ARFIP1: variants seen among roughly 807,000 people sequenced by gnomAD.
ARFIP1 encodes arfaptin-1.
Under a neutral mutation model 42.5 loss-of-function variants are expected in ARFIP1, and 24 were observed. That is an observed-to-expected ratio of 0.57 (90% CI 0.41 to 0.80). The LOEUF (loss-of-function observed/expected upper bound fraction) is 0.80. ARFIP1 is among the 30% of genes least tolerant of loss of function. ARFIP1 has a pLI of 0.00. For missense variants in ARFIP1, 354 were observed against 434.0 expected (o/e 0.82, Z 1.64); for synonymous variants, 141 against 153.7 (o/e 0.92, Z 0.61).
chr4:152,904,676 C>T (rs1055675330), intron 8 of ARFIP1, among the ~76,000 whole-genome samples: 1 of 152,022 alleles, frequency 6.6e-6, no homozygotes, highest in Admixed American at 6.6e-5. Context: ...TGTTAGTTTG[C>T]TGAGGATGAT....
rs921352653 is a variant in ARFIP1, at chr4:152,796,219, A to G, written c.-10+15993A>G. On this transcript the variant is annotated intron_variant, in intron 1 of 8. Coordinates refer to ENST00000353617, the MANE Select transcript of ARFIP1 (RefSeq NM_001025595.3). ...CTTTAGTAATAACACCCAAAGTTGT[A>G]TACAGCGGGAATGACGGATTCTTCT... The G allele has an allele frequency of 9.7e-5, 81 of 838,794 alleles. No homozygotes were observed. In the Admixed American group the frequency reaches 1.4e-3, roughly 14 times the overall value. The allele number at this position is 838,794 out of a possible 1,614,324, so 52.0% of individuals were successfully genotyped here.
chr4:152,894,192 A>G (rs1295345527), intron 8 of ARFIP1, among the ~76,000 whole-genome samples: 1 of 149,818 alleles, frequency 6.7e-6, no homozygotes, highest in African/African-American at 2.5e-5. Context: ...TAGATGACAG[A>G]GCGAGACTCT....
At chr4:152,899,439 G>C (rs1199967670) in intron 8 of ARFIP1, among the ~76,000 whole-genome samples, 1 of 152,108 alleles carries the variant, frequency 6.6e-6, no homozygotes, top group East Asian at 1.9e-4. Context: ...TTCTCTGTTA[G>C]GTTAATAACG....
chr4:152,892,088 A>T (rs1409516217), intron 8 of ARFIP1, among the ~76,000 whole-genome samples: 1 of 151,958 alleles, frequency 6.6e-6, no homozygotes, highest in African/African-American at 2.4e-5. Flanking sequence ...GCTTTTTTTT[A>T]AAGATACTGG....
intron 2 of ARFIP1, among the ~76,000 whole-genome samples, chr4:152,848,060 A>G (rs1287283205): frequency 2.0e-5 from 3 of 152,166 alleles, no homozygotes; most frequent in African/African-American, 7.2e-5. Context: ...TGTAAGTTTT[A>G]AGTGATATCA....
At chr4:152,857,546 A>G (rs1733543460) in intron 2 of ARFIP1, among the ~76,000 whole-genome samples, 1 of 152,190 alleles carries the variant, frequency 6.6e-6, no homozygotes, top group African/African-American at 2.4e-5. Flanking sequence ...GTCAAGATTA[A>G]ATGAGGTAAT....
intron 1 of ARFIP1, among the ~76,000 whole-genome samples, chr4:152,803,348 G>A (rs1013934127): frequency 6.6e-6 from 1 of 152,158 alleles, no homozygotes; most frequent in African/African-American, 2.4e-5. Flanking sequence ...GCAATTTATA[G>A]CATCAGGCAA....
chr4:152,802,511 C>A (rs755849506), intron 1 of ARFIP1, among the ~76,000 whole-genome samples: 3 of 152,074 alleles, frequency 2.0e-5, no homozygotes, highest in Non-Finnish European at 4.4e-5. Context: ...ATTGCATTTT[C>A]AAATAACTTT....
At chr4:152,872,374 T>G in intron 4 of ARFIP1, 78 bp from the exon 5 acceptor site, 1 of 925,572 alleles carries the variant, frequency 1.1e-6, no homozygotes, top group Non-Finnish European at 1.6e-6. Context: ...AATTTCAATT[T>G]GAACAATATC....
chr4:152,806,896 TG>T (rs1729034821), intron 1 of ARFIP1, among the ~76,000 whole-genome samples: 1 of 151,850 alleles, frequency 6.6e-6, no homozygotes, highest in South Asian at 2.1e-4. Context: ...TGGAATGCAG[TG>T]GCAGAATCAT....
At chr4:152,899,935 C>G (rs919275572) in intron 8 of ARFIP1, among the ~76,000 whole-genome samples, 1 of 152,130 alleles carries the variant, frequency 6.6e-6, no homozygotes, top group Non-Finnish European at 1.5e-5. Context: ...AGTCTCACAG[C>G]CAGACTGGGA....
chr4:152,824,006 A>G (rs1730607935), intron 1 of ARFIP1, among the ~76,000 whole-genome samples: 1 of 151,918 alleles, frequency 6.6e-6, no homozygotes, highest in East Asian at 1.9e-4. Flanking sequence ...ATCCAATAGC[A>G]CATCAAAAAA....
intron 8 of ARFIP1, 66 bp from the exon 9 acceptor site, chr4:152,909,998 A>G: frequency 6.5e-7 from 1 of 1,541,422 alleles, no homozygotes; most frequent in South Asian, 1.2e-5. Context: ...GGAATGTAAT[A>G]AATCACTCTC....
chr4:152,836,319 A>G (rs1202774204), intron 2 of ARFIP1, among the ~76,000 whole-genome samples: 1 of 152,246 alleles, frequency 6.6e-6, no homozygotes, highest in Admixed American at 6.5e-5. Context: ...CTGTGAAGTA[A>G]TGGATATGCT....
At position 152,881,406 on chromosome 4, in the gene ARFIP1, A is replaced by G. The variant is rs138186852; in HGVS notation, c.633+222A>G. Among the ~76,000 whole-genome samples, 392 of 151,936 alleles carry G rather than the reference A, an allele frequency of 2.6e-3. 1 individual carries two copies. The highest frequency in any genetic ancestry group is 9.1e-3 in the African/African-American group (375 of 41,434). ...TATCATATGTATATAAATCTTTCAT[A>G]TTTTTCTTCCTGTTTGTTAATATTT... On this transcript the variant is annotated intron_variant, in intron 6 of 8. Transcript: ENST00000353617.
chr4:152,867,322 C>T (rs568859300), intron 3 of ARFIP1, among the ~76,000 whole-genome samples: 49 of 151,720 alleles, frequency 3.2e-4, no homozygotes, highest in Non-Finnish European at 5.3e-4. Flanking sequence ...AGCGAAACCC[C>T]GTCTCCACCA....
chr4:152,817,704 A>G (rs1278631198), intron 1 of ARFIP1, among the ~76,000 whole-genome samples: 1 of 152,228 alleles, frequency 6.6e-6, no homozygotes, highest in Admixed American at 6.5e-5. Flanking sequence ...TATGCATTTG[A>G]TAAGAAGTAA....
At chr4:152,808,060 A>C (rs1436758059) in intron 1 of ARFIP1, among the ~76,000 whole-genome samples, 1 of 152,076 alleles carries the variant, frequency 6.6e-6, no homozygotes, top group African/African-American at 2.4e-5. Flanking sequence ...GGCTCACTGC[A>C]GCCTCCGCCT....
At chr4:152,909,150 T>C (rs111271498) in intron 8 of ARFIP1, among the ~76,000 whole-genome samples, 10 of 152,224 alleles carry the variant, frequency 6.6e-5, no homozygotes, top group African/African-American at 2.2e-4. Flanking sequence ...TTTGGGAGGC[T>C]GAGGCAGGCA....
Sources: allele counts gnomAD v4.1 joint callset (sites outside exome capture counted in the v4.1 genomes callset), GRCh38; gene constraint gnomAD v4.1.1; transcripts MANE v1.5; gene names NCBI Gene and HGNC (gene_info 2026-07-23, HGNC 2026-07-21).